Variants in MSI2 observed in about 807,000 individuals in gnomAD.
MSI2 encodes the protein musashi RNA binding protein 2, also known as RNA-binding protein Musashi homolog 2.
In MSI2, 17 loss-of-function variants were observed where a neutral mutation model predicts 45.6. That is an observed-to-expected ratio of 0.37 (90% confidence interval 0.26 to 0.56). The LOEUF (loss-of-function observed/expected upper bound fraction) is 0.56. Among genes scored for constraint, MSI2 ranks in the 20% least tolerant of loss-of-function variants. The pLI is 0.77. For missense variants in MSI2, 293 were observed against 444.2 expected (o/e 0.66, Z 3.06); for synonymous variants, 156 against 158.2 (o/e 0.99, Z 0.11).
Position 57,262,115 on chromosome 17 carries a change from C to A in MSI2, c.271-36C>A, listed in dbSNP as rs374657165. The A allele has an allele frequency of 6.3e-5, 102 of 1,611,430 alleles. No homozygotes were observed. In the Middle Eastern group the frequency reaches 6.6e-4, roughly 10 times the overall value. ...AATCATATATTTTTTCCTTAAAGTA[C>A]TTTATTGACTCCTGCTTTTCTATTT... is the stretch of plus-strand genomic sequence containing the variant. On this transcript the variant is annotated intron_variant, in intron 4 of 13. Coordinates refer to ENST00000284073, the MANE Select transcript of MSI2 (RefSeq NM_138962.4).
chr17:57,293,752 G>A (rs1440301199), intron 5 of MSI2, among the ~76,000 whole-genome samples: 1 of 151,822 alleles, frequency 6.6e-6, no homozygotes, highest in Non-Finnish European at 1.5e-5. Flanking sequence ...GGGGTTACAG[G>A]CATGCGCCAC....
intron 5 of MSI2, among the ~76,000 whole-genome samples, chr17:57,293,607 G>GTT (rs59810704): frequency 1.5e-4 from 10 of 68,908 alleles, no homozygotes; most frequent in South Asian, 5.3e-4. Context: ...TTTTTTTTTT[G>GTT]TTTTTTTTTG....
intron 6 of MSI2, among the ~76,000 whole-genome samples, chr17:57,467,647 C>T (rs938648420): frequency 6.6e-6 from 1 of 152,082 alleles, no homozygotes; most frequent in Non-Finnish European, 1.5e-5. Context: ...TTCCCTCCTG[C>T]TGTATCCAAC....
At chr17:57,459,325 C>T (rs1162669221) in intron 6 of MSI2, among the ~76,000 whole-genome samples, 1 of 152,130 alleles carries the variant, frequency 6.6e-6, no homozygotes, top group African/African-American at 2.4e-5. Flanking sequence ...GTGAGGTGAA[C>T]ATGGGATGCC....
intron 7 of MSI2, among the ~76,000 whole-genome samples, chr17:57,586,501 T>TA (rs5821193): frequency 0.43 from 63,389 of 148,810 alleles, 13,665 homozygotes; most frequent in Admixed American, 0.48. Flanking sequence ...CCCCATCAGT[T>TA]AAAAAAAAAA....
chr17:57,627,546 G>A lies in MSI2; in HGVS notation c.727+243G>A, dbSNP rs1908922447. ...AACGGCAGCTTTTAAAGGGAAAGCA[G>A]AACGGAGGCAGGAGGCCTCCCTGTG... On this transcript the variant is annotated intron_variant, in intron 10 of 13. Transcript: ENST00000284073. This position sits in a 1 kb window ranked among gnomAD's most constrained non-coding sequence, Gnocchi z 4.6. 9 of 562,018 alleles carry A rather than the reference G, an allele frequency of 1.6e-5. No homozygotes were observed. In the Middle Eastern group the frequency reaches 2.4e-3, roughly 148 times the overall value. The allele number at this position is 562,018 out of a possible 1,614,324, so 34.8% of individuals were successfully genotyped here.
chr17:57,507,225 C>CTG (rs71140002), intron 6 of MSI2, among the ~76,000 whole-genome samples: 784 of 51,086 alleles, frequency 0.015, 5 homozygotes, highest in East Asian at 0.059. Context: ...CTTTGTCTCT[C>CTG]TGTGTGTGTG....
chr17:57,356,255 C>T (rs926393550), intron 5 of MSI2, among the ~76,000 whole-genome samples: 2 of 152,176 alleles, frequency 1.3e-5, no homozygotes, highest in African/African-American at 4.8e-5. Flanking sequence ...CCCACACATA[C>T]CAGATCTCCC....
chr17:57,507,848 A>G (rs2086271088), intron 6 of MSI2, among the ~76,000 whole-genome samples: 1 of 152,054 alleles, frequency 6.6e-6, no homozygotes, highest in Non-Finnish European at 1.5e-5. Context: ...GTCTTGTTGT[A>G]TTGCCCAGAC....
rs970692710 is a variant in MSI2, at chr17:57,616,569, T to C, written c.652+485T>C. ...TATTTAAATGATTAACATTTTTCTC[T>C]TGGGATATCAAAATTTGCATTTAAA... is the stretch of plus-strand genomic sequence containing the variant. On this transcript the variant is annotated intron_variant, in intron 9 of 13. Coordinates refer to ENST00000284073, the MANE Select transcript of MSI2 (RefSeq NM_138962.4). 3 of 152,198 alleles carry C rather than the reference T, an allele frequency of 2.0e-5. No individual in the cohort carries two copies. The South Asian group carries it at 6.2e-4, about 32-fold the overall frequency. 9.4% of individuals were successfully genotyped at this position (152,198 alleles called of 1,614,324 possible).
chr17:57,295,710 G>A (rs1374113692), intron 5 of MSI2, among the ~76,000 whole-genome samples: 2 of 152,182 alleles, frequency 1.3e-5, no homozygotes, highest in South Asian at 2.1e-4. Flanking sequence ...AAGGGTTTCT[G>A]TATAAACAGC....
chr17:57,633,107 G>T, intron 10 of MSI2: 2 of 1,030,656 alleles, frequency 1.9e-6, no homozygotes, highest in Non-Finnish European at 2.3e-6. Context: ...TAGTTCATCT[G>T]TGCTTCTCCC....
chr17:57,312,328 C>T (rs1011759411), intron 5 of MSI2, among the ~76,000 whole-genome samples: 2 of 152,212 alleles, frequency 1.3e-5, no homozygotes, highest in African/African-American at 2.4e-5. Flanking sequence ...ACCTTCTATA[C>T]TTCCTTCCTA....
chr17:57,568,718 A>G (rs980070874), intron 7 of MSI2, among the ~76,000 whole-genome samples: 2 of 152,238 alleles, frequency 1.3e-5, no homozygotes, highest in African/African-American at 4.8e-5. Flanking sequence ...GCTTTTCAGC[A>G]CATTCCTTCA....
At chr17:57,287,101 T>A (rs564452891) in intron 5 of MSI2, among the ~76,000 whole-genome samples, 1 of 151,132 alleles carries the variant, frequency 6.6e-6, no homozygotes, top group East Asian at 2.0e-4. Flanking sequence ...ATCTCTATAG[T>A]ACCCTACAAA....
At chr17:57,671,261 C>T (rs9905946) in intron 11 of MSI2, among the ~76,000 whole-genome samples, 81,352 of 152,116 alleles carry the variant, frequency 0.53, 22,358 homozygotes, top group African/African-American at 0.68. Flanking sequence ...AATGCCAAGA[C>T]GTTTGCAAGA....
intron 7 of MSI2, among the ~76,000 whole-genome samples, chr17:57,570,155 A>G (rs963173449): frequency 6.6e-6 from 1 of 152,242 alleles, no homozygotes; most frequent in Admixed American, 6.5e-5. Context: ...CAAAAAAGCT[A>G]TAAAATTTAT....
intron 7 of MSI2, among the ~76,000 whole-genome samples, chr17:57,549,364 C>T (rs1424195473): frequency 6.7e-6 from 1 of 148,350 alleles, no homozygotes; most frequent in Non-Finnish European, 1.5e-5. Context: ...CAGTGCCCAG[C>T]ATGGGCTGCT....
intron 5 of MSI2, among the ~76,000 whole-genome samples, chr17:57,380,026 A>G (rs1252557815): frequency 6.6e-6 from 1 of 151,984 alleles, no homozygotes; most frequent in Non-Finnish European, 1.5e-5. Context: ...CATATTGGGT[A>G]TTGGCTGCTG....
Sources: allele counts gnomAD v4.1 joint callset (sites outside exome capture counted in the v4.1 genomes callset), GRCh38; gene constraint gnomAD v4.1.1; non-coding constraint Gnocchi (gnomAD v3.1); transcripts MANE v1.5; gene names NCBI Gene and HGNC (gene_info 2026-07-23, HGNC 2026-07-21).